Variants in OSBPL3 observed in about 807,000 individuals in gnomAD.
The protein encoded by OSBPL3 is oxysterol binding protein like 3, also known as oxysterol-binding protein-related protein 3.
A neutral mutation model predicts 120.1 loss-of-function variants in OSBPL3; 65 were observed. The ratio of observed to expected loss-of-function variants is 0.54; its 90% CI spans 0.44 to 0.67. The LOEUF (loss-of-function observed/expected upper bound fraction) is 0.67. OSBPL3 is among the 30% of genes least tolerant of loss of function. The pLI is 0.00. For missense variants in OSBPL3, 1,004 were observed against 1,082.1 expected, an observed-to-expected ratio of 0.93 and a Z score of 1.01; for synonymous variants, 416 against 402.6, an observed-to-expected ratio of 1.03 and a Z score of -0.40.
chr7:24,852,409 C>A lies in OSBPL3; in HGVS notation c.1158+95G>T. 8.4e-7 allele frequency: 1 copy of A among 1,191,138 alleles called. No homozygotes were observed. Among genetic ancestry groups the A allele is most frequent in the Non-Finnish European group, 1.1e-6 (1 of 893,568 alleles). The allele number at this position is 1,191,138 out of a possible 1,614,324, so 73.8% of individuals were successfully genotyped here. A position where few individuals can be genotyped will look rare whatever the true frequency, so the allele number is the denominator to read the frequency against. On this transcript the variant is annotated intron_variant, in intron 11 of 22. Transcript: ENST00000313367. The surrounding 1 kb of genome is among the most constrained non-coding windows in gnomAD (Gnocchi z 4.1). ...ATAATTTGGATAATTTGGTTTTCTC[C>A]TGAATTTTCAACATAATCATGGAAA...
intron 2 of OSBPL3, among the ~76,000 whole-genome samples, chr7:24,874,600 C>T (rs936944195): frequency 1.3e-5 from 2 of 152,062 alleles, no homozygotes; most frequent in South Asian, 4.2e-4. Flanking sequence ...CTATCAGTGA[C>T]CCACCAAGAA....
At chr7:24,895,247 G>C (rs1406692030) in intron 1 of OSBPL3, among the ~76,000 whole-genome samples, 1 of 152,118 alleles carries the variant, frequency 6.6e-6, no homozygotes, top group African/African-American at 2.4e-5. Flanking sequence ...ATACGCTGGT[G>C]GTCCCATAAG....
chr7:24,893,805 G>T (rs1805725474), intron 1 of OSBPL3, among the ~76,000 whole-genome samples: 1 of 151,986 alleles, frequency 6.6e-6, no homozygotes, highest in Admixed American at 6.5e-5. Context: ...CTGATGGAGG[G>T]GTTTCTAGTT....
rs1454883763 is a variant in OSBPL3, at chr7:24,847,489, G to A, written c.1266+1580C>T. On this transcript the variant is annotated intron_variant, in intron 12 of 22. Coordinates refer to ENST00000313367, the MANE Select transcript of OSBPL3 (RefSeq NM_015550.4). ...CTCAAGGACAGTGTATAGCATTTCAGCTTTCAGGTATGCTACTTTTAAGAT... is the reference window on the plus strand; with the variant it reads ...CTCAAGGACAGTGTATAGCATTTCAACTTTCAGGTATGCTACTTTTAAGAT... 2.6e-5 allele frequency among the ~76,000 whole-genome samples: 4 copies of A among 152,150 alleles called. No individual in the cohort carries two copies. The South Asian group carries it at 8.3e-4, about 32-fold the overall frequency.
rs1029604388 is a variant in OSBPL3, at chr7:24,953,215, T to C, written c.-150+26671A>G. On this transcript the variant is annotated intron_variant, in intron 1 of 22. Coordinates refer to ENST00000313367, the MANE Select transcript of OSBPL3 (RefSeq NM_015550.4). The surrounding 1 kb of genome is among the most constrained non-coding windows in gnomAD (Gnocchi z 4.3). ...AGATTAAAGCCTTCACTTAAGTAGTTTTGCTTCATCACTTTAATTATTCTG... is the reference window on the plus strand; with the variant it reads ...AGATTAAAGCCTTCACTTAAGTAGTCTTGCTTCATCACTTTAATTATTCTG... 5.3e-5 allele frequency among the ~76,000 whole-genome samples: 8 copies of C among 152,178 alleles called. No individual in the cohort carries two copies. The highest frequency in any genetic ancestry group is 2.1e-4 in the South Asian group (1 of 4,820).
rs1329099330 is a variant in OSBPL3, at chr7:24,830,965, A to G, written c.1747-60T>C. 1.1e-5 allele frequency: 16 copies of G among 1,480,730 alleles called. No individual in the cohort carries two copies. The highest frequency in any genetic ancestry group is 1.4e-5 in the African/African-American group (1 of 69,648). 91.7% of individuals were successfully genotyped at this position (1,480,730 alleles called of 1,614,324 possible). ...TGTCACCAAGAGCTTTATTGTTCAC[A>G]AAGAACTAAACAAAATAAAACCTCT... On this transcript the variant is annotated intron_variant, in intron 15 of 22. Transcript: ENST00000313367. This position sits in a 1 kb window ranked among gnomAD's most constrained non-coding sequence, Gnocchi z 4.4.
intron 14 of OSBPL3, among the ~76,000 whole-genome samples, chr7:24,840,312 T>C (rs535703543): frequency 2.6e-5 from 4 of 152,296 alleles, no homozygotes; most frequent in South Asian, 2.1e-4. Context: ...ACCCTTGAGA[T>C]AGCAAGACCA....
chr7:24,818,566 C>G lies in OSBPL3; in HGVS notation c.1948+1609G>C, dbSNP rs867029112. On this transcript the variant is annotated intron_variant, in intron 17 of 22. Coordinates refer to ENST00000313367, the MANE Select transcript of OSBPL3 (RefSeq NM_015550.4). This position sits in a 1 kb window ranked among gnomAD's most constrained non-coding sequence, Gnocchi z 4.0. Reference sequence around the variant, plus strand: ...CTAAAGTAACAACTTTAACAAGAAACAAAACAGGTAAGTATAGCTAATAAG... The same window carrying G: ...CTAAAGTAACAACTTTAACAAGAAAGAAAACAGGTAAGTATAGCTAATAAG... 1.3e-5 allele frequency among the ~76,000 whole-genome samples: 2 copies of G among 151,708 alleles called. No individual in the cohort carries two copies. Among genetic ancestry groups the G allele is most frequent in the African/African-American group, 4.8e-5 (2 of 41,276 alleles).
intron 19 of OSBPL3, among the ~76,000 whole-genome samples, chr7:24,814,617 C>G (rs1398171948): frequency 1.3e-5 from 2 of 152,168 alleles, no homozygotes. Context: ...AACTGAAGTT[C>G]TATACCCATT....
chr7:24,910,369 TG>T (rs1472156274), intron 1 of OSBPL3, among the ~76,000 whole-genome samples: 1 of 152,106 alleles, frequency 6.6e-6, no homozygotes, highest in Non-Finnish European at 1.5e-5. Context: ...AAATCAGAAA[TG>T]GGCTGAGTTT....
In OSBPL3 at chr7:24,975,586, T is replaced by C. The variant is rs114245520; in HGVS notation, c.-150+4300A>G. Among the ~76,000 whole-genome samples the C allele has an allele frequency of 8.0e-3, 1,223 of 152,300 alleles. 9 individuals carry two copies. The highest frequency in any genetic ancestry group is 0.027 in the African/African-American group (1,121 of 41,554). On this transcript the variant is annotated intron_variant, in intron 1 of 22. Transcript: ENST00000313367. ...ACACCATGTTTAGTGATGTGAGGAA[T>C]AGAAACCTAAGGAATACACACTCAC...
chr7:24,859,812 G>A (rs932331582), intron 10 of OSBPL3, among the ~76,000 whole-genome samples: 6 of 152,172 alleles, frequency 3.9e-5, no homozygotes, highest in Non-Finnish European at 8.8e-5. Flanking sequence ...TTATGTGCTC[G>A]ATGTTAAGTA....
chr7:24,909,791 T>C (rs1463522772), intron 1 of OSBPL3, among the ~76,000 whole-genome samples: 1,066 of 89,622 alleles, frequency 0.012, 20 homozygotes, highest in African/African-American at 0.034. Flanking sequence ...TTCTTTTTTT[T>C]TTTTTTTTTT....
intron 2 of OSBPL3, among the ~76,000 whole-genome samples, chr7:24,880,711 C>T (rs80203917): frequency 2.0e-5 from 3 of 151,896 alleles, no homozygotes; most frequent in Admixed American, 6.6e-5. Context: ...TTTGGGGCTG[C>T]GAAAAATGAG....
chr7:24,929,603 C>T (rs1032208773), intron 1 of OSBPL3, among the ~76,000 whole-genome samples: 4 of 151,134 alleles, frequency 2.6e-5, no homozygotes, highest in Admixed American at 2.6e-4. Context: ...AAATACCACA[C>T]TTTTTTTTTA....
chr7:24,925,125 G>A (rs1183103146), intron 1 of OSBPL3, among the ~76,000 whole-genome samples: 1 of 152,180 alleles, frequency 6.6e-6, no homozygotes, highest in East Asian at 1.9e-4. Flanking sequence ...TAAACACCAT[G>A]TATGTTAGCA....
At chr7:24,974,542 C>T (rs1351444188) in intron 1 of OSBPL3, among the ~76,000 whole-genome samples, 1 of 152,170 alleles carries the variant, frequency 6.6e-6, no homozygotes, top group African/African-American at 2.4e-5. Flanking sequence ...CCCAAAGGAA[C>T]TTCTGGACTA....
chr7:24,928,354 G>A (rs920463015), intron 1 of OSBPL3, among the ~76,000 whole-genome samples: 1 of 151,924 alleles, frequency 6.6e-6, no homozygotes, highest in Non-Finnish European at 1.5e-5. Context: ...ACCACACCCG[G>A]CTACTTTTTT....
Position 24,930,966 on chromosome 7 carries a change from G to C in OSBPL3, c.-149-38345C>G, listed in dbSNP as rs948550733. On this transcript the variant is annotated intron_variant, in intron 1 of 22. Coordinates refer to ENST00000313367, the MANE Select transcript of OSBPL3 (RefSeq NM_015550.4). This position sits in a 1 kb window ranked among gnomAD's most constrained non-coding sequence, Gnocchi z 4.4. ...CAAAAATTATTTAACATTCTCACAG[G>C]AAGTACGTGTTCAGAGGCAAAAAGT... 7.2e-5 allele frequency among the ~76,000 whole-genome samples: 11 copies of C among 152,166 alleles called. No individual in the cohort carries two copies. Among genetic ancestry groups the C allele is most frequent in the African/African-American group, 2.7e-4 (11 of 41,430 alleles).
Sources: allele counts gnomAD v4.1 joint callset (sites outside exome capture counted in the v4.1 genomes callset), GRCh38; gene constraint gnomAD v4.1.1; non-coding constraint Gnocchi (gnomAD v3.1); transcripts MANE v1.5; gene names NCBI Gene and HGNC (gene_info 2026-07-23, HGNC 2026-07-21).